The following PFKFB3 variants were observed in gnomAD, a reference collection of about 807,000 sequenced individuals.
PFKFB3 encodes the protein 6-phosphofructo-2-kinase/fructose-2,6-bisphosphatase 3.
Under a neutral mutation model 68.0 loss-of-function variants are expected in PFKFB3, and 33 were observed. The ratio of observed to expected loss-of-function variants is 0.49; its 90% confidence interval spans 0.37 to 0.65. The LOEUF (loss-of-function observed/expected upper bound fraction) is 0.65. Among genes scored for constraint, PFKFB3 ranks in the 30% least tolerant of loss-of-function variants. PFKFB3 has a pLI of 0.00. For missense variants in PFKFB3, 586 were observed against 712.2 expected, an observed-to-expected ratio of 0.82 and a Z score of 2.02; for synonymous variants, 315 against 288.2, an observed-to-expected ratio of 1.09 and a Z score of -0.94.
chr10:6,195,912 A>G (rs11257192), intron 1 of PFKFB3, among the ~76,000 whole-genome samples: 6,054 of 152,246 alleles, frequency 0.04, 285 homozygotes, highest in African/African-American at 0.1. Context: ...TAATGTGGCA[A>G]GGTTGCGGGT....
At chr10:6,148,120 C>T (rs1841456164) in intron 1 of PFKFB3, among the ~76,000 whole-genome samples, 1 of 152,234 alleles carries the variant, frequency 6.6e-6, no homozygotes, top group Non-Finnish European at 1.5e-5. Flanking sequence ...GACATGGTGT[C>T]TCCTCCCTGG....
Position 6,233,059 on chromosome 10 carries a change from C to A in PFKFB3, c.*117C>A, listed in dbSNP as rs1032306417. Reference sequence around the variant, plus strand: ...TTCCGGAGAGGGTGGGGTGGAGCAGCGGGGGAGCCTTGGCCGAAGAGAACC... The same window carrying A: ...TTCCGGAGAGGGTGGGGTGGAGCAGAGGGGGAGCCTTGGCCGAAGAGAACC... On this transcript the variant is annotated 3_prime_UTR_variant, in exon 15 of 15. Coordinates refer to ENST00000379775, the MANE Select transcript of PFKFB3 (RefSeq NM_004566.4). The A allele has an allele frequency of 3.7e-6, 3 of 809,928 alleles. No individual in the cohort carries two copies. Among genetic ancestry groups the A allele is most frequent in the Non-Finnish European group, 6.3e-6 (3 of 473,342 alleles). 50.2% of individuals were successfully genotyped at this position (809,928 alleles called of 1,614,324 possible).
chr10:6,227,149 G>T (rs1244845746), intron 14 of PFKFB3, among the ~76,000 whole-genome samples: 1 of 152,046 alleles, frequency 6.6e-6, no homozygotes, highest in African/African-American at 2.4e-5. Flanking sequence ...AAGGTTACAG[G>T]CCTGGAAGAT....
the PFKFB3 span, among the ~76,000 whole-genome samples, chr10:6,288,413 C>A: frequency 7.3e-6 from 1 of 136,756 alleles, no homozygotes; most frequent in Non-Finnish European, 1.5e-5. Context: ...TCCATGTGTT[C>A]TCATTGTTCA....
Position 6,228,179 on chromosome 10 carries a change from C to G in PFKFB3, c.1515+1814C>G, listed in dbSNP as rs777722072. On this transcript the variant is annotated intron_variant, in intron 14 of 14. Transcript: ENST00000379775. This position sits in a 1 kb window ranked among gnomAD's most constrained non-coding sequence, Gnocchi z 4.5. The stretch of plus-strand genomic sequence containing the variant: ...CCTGCCTCCTGACTGACTTCTCTCT[C>G]TGCTTCTCCTCCGCAGCCTTTGCTA... The G allele has an allele frequency of 1.9e-6, 3 of 1,612,772 alleles. No individual in the cohort carries two copies. The South Asian group carries it at 3.3e-5, about 18-fold the overall frequency.
At chr10:6,169,873 C>T (rs995727707) in intron 1 of PFKFB3, among the ~76,000 whole-genome samples, 1 of 152,170 alleles carries the variant, frequency 6.6e-6, no homozygotes, top group African/African-American at 2.4e-5. Context: ...ATGTGTATTT[C>T]CTTAAACCTT....
chr10:6,219,939 C>G (rs1844838321), intron 7 of PFKFB3, among the ~76,000 whole-genome samples: 1 of 152,084 alleles, frequency 6.6e-6, no homozygotes, highest in African/African-American at 2.4e-5. Flanking sequence ...AAAAACAATC[C>G]TTGATGACAA....
intron 1 of PFKFB3, among the ~76,000 whole-genome samples, chr10:6,153,179 AGAAAG>A (rs1841650611): frequency 1.3e-5 from 1 of 79,046 alleles, no homozygotes; most frequent in Non-Finnish European, 3.0e-5. Context: ...CTCAGAAAAA[AGAAAG>A]AAAGAAAGAA....
At chr10:6,217,395 T>G (rs1844656253) in intron 6 of PFKFB3, among the ~76,000 whole-genome samples, 1 of 152,176 alleles carries the variant, frequency 6.6e-6, no homozygotes, top group Non-Finnish European at 1.5e-5. Flanking sequence ...ACTAGCTCCA[T>G]CCAGGGCAGT....
rs1588511854 is a variant in PFKFB3, at chr10:6,220,511, C to T, written c.624-147C>T. ...GGAGTTGTCTTACGCATATGCTCTG[C>T]CCCTTAGAAGGATTCAGTCTGTGCC... On this transcript the variant is annotated intron_variant, in intron 7 of 14. Transcript: ENST00000379775. This position sits in a 1 kb window ranked among gnomAD's most constrained non-coding sequence, Gnocchi z 4.1. 9 of 678,008 alleles carry T rather than the reference C, an allele frequency of 1.3e-5. No individual in the cohort carries two copies. The highest frequency in any genetic ancestry group is 2.1e-5 in the Non-Finnish European group (8 of 389,818). 42.0% of individuals were successfully genotyped at this position (678,008 alleles called of 1,614,324 possible). A position where few individuals can be genotyped will look rare whatever the true frequency, so the allele number is the denominator to read the frequency against.
chr10:6,179,500 A>G (rs1315089614), intron 1 of PFKFB3, among the ~76,000 whole-genome samples: 1 of 152,234 alleles, frequency 6.6e-6, no homozygotes, highest in Non-Finnish European at 1.5e-5. Flanking sequence ...GCTGTAAAAT[A>G]GATCACTCAG....
intron 13 of PFKFB3, chr10:6,224,522 C>T (rs1217000188): frequency 1.9e-6 from 1 of 515,920 alleles, no homozygotes; most frequent in Non-Finnish European, 3.7e-6. Flanking sequence ...AGTCTGTTCC[C>T]CAGGCTGGAG....
chr10:6,270,628 T>A, the PFKFB3 span, among the ~76,000 whole-genome samples: 1 of 152,170 alleles, frequency 6.6e-6, no homozygotes, highest in Non-Finnish European at 1.5e-5. Context: ...ATAGTAAGGG[T>A]CCGGTTCCCT....
At chr10:6,203,456 C>A (rs1196454183) in intron 1 of PFKFB3, 120 bp downstream of exon 1, 3 of 454,070 alleles carry the variant, frequency 6.6e-6, no homozygotes, top group African/African-American at 6.4e-5. Flanking sequence ...GTCGCGCCGG[C>A]GGGGCGGGGC....
chr10:6,299,573 C>G, the PFKFB3 span, among the ~76,000 whole-genome samples: 2 of 152,130 alleles, frequency 1.3e-5, no homozygotes, highest in African/African-American at 2.4e-5. Context: ...CTGTTAAGAC[C>G]GATAAAGGGT....
At chr10:6,175,408 G>A (rs1306621970) in intron 1 of PFKFB3, among the ~76,000 whole-genome samples, 4 of 152,202 alleles carry the variant, frequency 2.6e-5, no homozygotes, top group Admixed American at 6.5e-5. Flanking sequence ...CATGGATTGC[G>A]TGTTTGTAGG....
rs1279806044 is a variant in PFKFB3, at chr10:6,154,751, T to G, written c.16+9738T>G. ...AGGCGGCGGGATTTGATGGATTTGC[T>G]GTGGGGTGAGAGAGAGTGAATCATG... On this transcript the variant is annotated intron_variant, in intron 1 of 14. Coordinates refer to the PFKFB3 transcript ENST00000379789. The surrounding 1 kb of genome is among the most constrained non-coding windows in gnomAD (Gnocchi z 4.6). Among the ~76,000 whole-genome samples, 7 of 152,146 alleles carry G rather than the reference T, an allele frequency of 4.6e-5. No homozygotes were observed. The highest frequency in any genetic ancestry group is 1.0e-4 in the Non-Finnish European group (7 of 68,008).
chr10:6,205,619 CT>C (rs1843631159), intron 1 of PFKFB3, among the ~76,000 whole-genome samples: 1 of 151,946 alleles, frequency 6.6e-6, no homozygotes. Context: ...TCTTGAACTC[CT>C]GACCTCAAGT....
At chr10:6,223,759 C>T (rs57892828) in intron 11 of PFKFB3, among the ~76,000 whole-genome samples, 199 bp from the exon 12 acceptor site, 499 of 152,254 alleles carry the variant, frequency 3.3e-3, no homozygotes, top group African/African-American at 0.012. Context: ...TGGGATTATA[C>T]GCATGTGCTA....
Sources: gnomAD v4.1 joint callset for allele counts (sites outside exome capture counted in the v4.1 genomes callset) on GRCh38, gnomAD v4.1.1 for gene constraint, Gnocchi (gnomAD v3.1) non-coding constraint, MANE v1.5 for transcripts, NCBI Gene and HGNC (gene_info 2026-07-23, HGNC 2026-07-21) for gene names.